OSBPL9: variants seen among roughly 807,000 people sequenced by gnomAD.
OSBPL9 encodes oxysterol-binding protein-related protein 9.
Under a neutral mutation model 106.6 loss-of-function variants are expected in OSBPL9, and 40 were observed. That is an observed-to-expected ratio of 0.38 (90% CI 0.29 to 0.49). OSBPL9 has a LOEUF of 0.49. OSBPL9 is among the 20% of genes least tolerant of loss of function. The pLI is 0.97. For synonymous variants in OSBPL9, 269 were observed against 295.4 expected (o/e 0.91, Z 0.92); for missense variants, 609 against 887.2 (o/e 0.69, Z 3.98).
intron 3 of OSBPL9, among the ~76,000 whole-genome samples, chr1:51,686,893 A>G (rs763389924): frequency 2.0e-5 from 3 of 152,196 alleles, no homozygotes; most frequent in Non-Finnish European, 2.9e-5. Flanking sequence ...GTTTTCTCAT[A>G]TTTACTCCTT....
chr1:51,736,804 T>C (rs1665807376), intron 4 of OSBPL9, among the ~76,000 whole-genome samples: 8 of 152,164 alleles, frequency 5.3e-5, no homozygotes. Flanking sequence ...CCTGTACTAG[T>C]AAACCTCTCA....
chr1:51,781,950 A>G (rs1239873806), intron 16 of OSBPL9, among the ~76,000 whole-genome samples: 1 of 151,930 alleles, frequency 6.6e-6, no homozygotes, highest in African/African-American at 2.4e-5. Context: ...GTTTAGGGAG[A>G]GGTCTGAGAT....
chr1:51,628,408 T>C (rs1644898929), intron 1 of OSBPL9, among the ~76,000 whole-genome samples: 1 of 152,022 alleles, frequency 6.6e-6, no homozygotes, highest in Non-Finnish European at 1.5e-5. Flanking sequence ...CTCAGTCATC[T>C]GGCTTTGGGA....
At position 51,750,214 on chromosome 1, in the gene OSBPL9, C is replaced by A; in HGVS notation, c.543+19C>A. 4 of 1,581,838 alleles carry A rather than the reference C, an allele frequency of 2.5e-6. No homozygotes were observed. The highest frequency in any genetic ancestry group is 3.5e-6 in the Non-Finnish European group (4 of 1,158,522). On this transcript the variant is annotated intron_variant, in intron 8 of 23. Transcript: ENST00000428468. ...TGCCAAAGTAAGTAAATTTTACTTT[C>A]AATTACCTTTGTGTATGGAGTTCAA...
chr1:51,645,903 TA>T (rs148783893), intron 1 of OSBPL9, among the ~76,000 whole-genome samples: 5,113 of 151,616 alleles, frequency 0.034, 180 homozygotes, highest in Middle Eastern at 0.088. Flanking sequence ...GGCACTCTTG[TA>T]AAAAAAAATC....
chr1:51,572,235 A>C (rs770203014), upstream of OSBPL9, among the ~76,000 whole-genome samples: 1 of 152,170 alleles, frequency 6.6e-6, no homozygotes, highest in Non-Finnish European at 1.5e-5. Context: ...GGAAAGATCA[A>C]TGAATTCTAC....
chr1:51,651,096 A>G (rs1010872774), intron 1 of OSBPL9, among the ~76,000 whole-genome samples: 10 of 152,094 alleles, frequency 6.6e-5, no homozygotes, highest in African/African-American at 2.4e-4. Context: ...CACACAGAAG[A>G]CTCTGGGAGC....
In OSBPL9 at chr1:51,750,190, G is replaced by C; in HGVS notation, c.538G>C (p.Ala180Pro). 6.2e-7 allele frequency: 1 copy of C among 1,603,108 alleles called. No individual in the cohort carries two copies. The highest frequency in any genetic ancestry group is 8.5e-7 in the Non-Finnish European group (1 of 1,174,820). The change falls in exon 8 of 24, where the codon GCC (alanine) becomes CCC (proline). Residue 180 changes from alanine to proline, a missense_variant. Physicochemically the swap from Ala to Pro is conservative, Grantham distance 27. This residue lies in a region of OSBPL9 where 356 missense variants were observed against 505.8 expected (regional missense o/e 0.70). Transcript: ENST00000428468. Reference protein sequence around the residue: ...IKHCIVLLQIAKDQSNAEKHA... With the variant: ...IKHCIVLLQIPKDQSNAEKHA... ...ACACTGCATTGTGTTGCTGCAGATT[G>C]CCAAAGTAAGTAAATTTTACTTTCA...
intron 3 of OSBPL9, among the ~76,000 whole-genome samples, chr1:51,687,029 A>T (rs1653962476): frequency 6.6e-6 from 1 of 152,250 alleles, no homozygotes; most frequent in Non-Finnish European, 1.5e-5. Context: ...AATACTCAAC[A>T]TGGTGCCTGG....
chr1:51,552,974 A>C, the OSBPL9 span, among the ~76,000 whole-genome samples: 6 of 152,102 alleles, frequency 3.9e-5, no homozygotes, highest in African/African-American at 7.2e-5. Flanking sequence ...TTTAAAAAAA[A>C]AAACAAACTT....
chr1:51,703,040 T>C (rs769149845), intron 3 of OSBPL9, among the ~76,000 whole-genome samples: 1 of 152,254 alleles, frequency 6.6e-6, no homozygotes, highest in Non-Finnish European at 1.5e-5. Context: ...TTTTGGTTAC[T>C]GTAGCCATGT....
intron 1 of OSBPL9, among the ~76,000 whole-genome samples, chr1:51,620,719 A>T (rs1478089995): frequency 6.6e-6 from 1 of 152,214 alleles, no homozygotes; most frequent in Non-Finnish European, 1.5e-5. Context: ...AGGAGGACAG[A>T]TAATGAAAGG....
chr1:51,617,770 TCTCATTCAAGGGACGCACCC>T (rs1232603747), intron 1 of OSBPL9, among the ~76,000 whole-genome samples: 5 of 152,194 alleles, frequency 3.3e-5, no homozygotes, highest in African/African-American at 1.2e-4. Context: ...AGGTTGTGTG[TCTCATTCAAGGGACGCACCC>T]CTCTATTTAG....
intron 3 of OSBPL9, among the ~76,000 whole-genome samples, chr1:51,713,224 G>A (rs1244705426): frequency 4.6e-5 from 7 of 151,872 alleles, no homozygotes; most frequent in African/African-American, 4.8e-5. Flanking sequence ...ATCTTGGCTC[G>A]CTGCAACCTC....
intron 2 of OSBPL9, among the ~76,000 whole-genome samples, chr1:51,662,409 G>A (rs1305569514): frequency 1.3e-5 from 2 of 152,102 alleles, no homozygotes; most frequent in African/African-American, 2.4e-5. Context: ...CTGGGTTTTC[G>A]ATAGAAGAAT....
intron 2 of OSBPL9, among the ~76,000 whole-genome samples, chr1:51,669,143 T>C (rs1327739756): frequency 6.6e-6 from 1 of 152,210 alleles, no homozygotes; most frequent in African/African-American, 2.4e-5. Context: ...TGGCTGGCTC[T>C]TAAAACACAG....
At chr1:51,626,281 C>A (rs1644759618) in intron 1 of OSBPL9, among the ~76,000 whole-genome samples, 1 of 152,136 alleles carries the variant, frequency 6.6e-6, no homozygotes, top group South Asian at 2.1e-4. Context: ...TTTTACCTTT[C>A]CCTATCATAG....
the OSBPL9 span, chr1:51,566,421 G>A: frequency 6.6e-6 from 1 of 152,044 alleles, no homozygotes; most frequent in Non-Finnish European, 1.5e-5. Context: ...ATTTTCCTGG[G>A]AGGCAAGAAG....
At chr1:51,672,010 A>G (rs1649993986) in intron 3 of OSBPL9, among the ~76,000 whole-genome samples, 3 of 152,206 alleles carry the variant, frequency 2.0e-5, no homozygotes, top group Admixed American at 2.0e-4. Flanking sequence ...GCAGATAACC[A>G]TGGGTGGAGA....
Sources: gnomAD v4.1 joint callset for allele counts (sites outside exome capture counted in the v4.1 genomes callset) on GRCh38, gnomAD v4.1.1 for gene constraint, gnomAD v4.1.1 regional missense constraint, MANE v1.5 for transcripts, NCBI Gene and HGNC (gene_info 2026-07-23, HGNC 2026-07-21) for gene names.